The following CEP72 variants were observed in gnomAD, a reference collection of about 807,000 sequenced individuals.
The protein encoded by CEP72 is centrosomal protein 72.
CEP72 carries 78 observed loss-of-function variants against 65.7 expected under a neutral mutation model. The ratio of observed to expected loss-of-function variants is 1.19; its 90% CI spans 0.99 to 1.43. The LOEUF (loss-of-function observed/expected upper bound fraction) is 1.43, where lower values mean the gene tolerates loss of function less well. CEP72 is among the 40% of genes most tolerant of loss of function. The pLI is 0.00. For synonymous variants in CEP72, 358 were observed against 351.7 expected (o/e 1.02, Z -0.20); for missense variants, 914 against 832.9 (o/e 1.10, Z -1.20).
At chr5:628,821 G>A (rs71585252) in intron 4 of CEP72, among the ~76,000 whole-genome samples, 2,447 of 106,154 alleles carry the variant, frequency 0.023, 59 homozygotes, top group East Asian at 0.062. Context: ...TCAGGTTGCC[G>A]TCCCCAGGGA....
chr5:620,021 A>G, intron 2 of CEP72, 48 bp from the exon 3 acceptor site: 1 of 1,506,890 alleles, frequency 6.6e-7, no homozygotes, highest in Non-Finnish European at 9.2e-7. Flanking sequence ...TTCACTGTGT[A>G]TTTCTTGTTT....
intron 1 of CEP72, among the ~76,000 whole-genome samples, chr5:617,031 A>G (rs1444674020): frequency 1.3e-5 from 2 of 152,040 alleles, no homozygotes; most frequent in Non-Finnish European, 2.9e-5. Context: ...TGATGTACAG[A>G]GAGTCTGTCC....
intron 1 of CEP72, 127 bp from the exon 2 acceptor site, chr5:618,863 G>A (rs1235506615): frequency 5.3e-6 from 4 of 755,526 alleles, no homozygotes; most frequent in South Asian, 1.9e-5. Context: ...TCAGGAGCCT[G>A]AGTAAAGTTG....
In CEP72 at chr5:615,337, T is replaced by C. The variant is rs979070102; in HGVS notation, c.82+2894T>C. Reference sequence around the variant, plus strand: ...TTTTAGTAGAGACGGGGTTTCACCATGTTGGCCAGGCTAGTCTCGAACTCC... The same window carrying C: ...TTTTAGTAGAGACGGGGTTTCACCACGTTGGCCAGGCTAGTCTCGAACTCC... On this transcript the variant is annotated intron_variant, in intron 1 of 11. Coordinates refer to ENST00000264935, the MANE Select transcript of CEP72 (RefSeq NM_018140.4). 3.3e-5 allele frequency among the ~76,000 whole-genome samples: 5 copies of C among 152,114 alleles called. No individual in the cohort carries two copies. The South Asian group carries it at 6.2e-4, about 19-fold the overall frequency.
At chr5:648,873 ACTGTGAGG>A (rs1738663622) in intron 11 of CEP72, among the ~76,000 whole-genome samples, 1 of 93,192 alleles carries the variant, frequency 1.1e-5, no homozygotes, top group East Asian at 3.6e-4. Context: ...GTGAGGTGTG[ACTGTGAGG>A]TGTGACTGTG....
chr5:618,462 G>C (rs1028417333), intron 1 of CEP72, among the ~76,000 whole-genome samples: 3 of 152,208 alleles, frequency 2.0e-5, no homozygotes, highest in Non-Finnish European at 4.4e-5. Context: ...TATACTGTTA[G>C]AGGAAGAAAT....
chr5:634,637 T>C (rs568753689), intron 5 of CEP72, among the ~76,000 whole-genome samples: 6 of 152,274 alleles, frequency 3.9e-5, no homozygotes, highest in South Asian at 4.1e-4. Flanking sequence ...TTAATTTGCA[T>C]CCGCTGCTGT....
chr5:665,071 A>T, intron 2 of CEP72: 1 of 1,596,428 alleles, frequency 6.3e-7, no homozygotes, highest in Admixed American at 1.7e-5. Context: ...CTCTGGGGAC[A>T]CCGGCAGTGC....
chr5:671,543 C>T (rs1279305295), downstream of CEP72, among the ~76,000 whole-genome samples: 3 of 152,228 alleles, frequency 2.0e-5, no homozygotes, highest in African/African-American at 4.8e-5. Flanking sequence ...GCCAAGGCCA[C>T]GCCCACCACT....
At chr5:666,972 T>G (rs1739941984) in exon 5 of CEP72, 1 of 152,242 alleles carries the variant, frequency 6.6e-6, no homozygotes, top group South Asian at 2.1e-4. Context: ...GGGAAGCCTC[T>G]GGACAGCGCG....
intron 4 of CEP72, chr5:666,146 G>GGGCACAGGCGACTTAT (rs2126867122): frequency 6.2e-7 from 1 of 1,605,098 alleles, no homozygotes; most frequent in African/African-American, 1.4e-5. Flanking sequence ...AGGCGACTTA[G>GGGCACAGGCGACTTAT]GGCTGGGCGC....
At chr5:646,877 C>T (rs530535628) in intron 10 of CEP72, among the ~76,000 whole-genome samples, 155 of 152,324 alleles carry the variant, frequency 1.0e-3, no homozygotes, top group Middle Eastern at 3.4e-3. Flanking sequence ...GGGTTTGTCC[C>T]AGCCTCTTGT....
At chr5:651,386 GTGTGGACTGAGAGT>G (rs1452890099) in intron 11 of CEP72, among the ~76,000 whole-genome samples, 1 of 151,888 alleles carries the variant, frequency 6.6e-6, no homozygotes, top group East Asian at 1.9e-4. Flanking sequence ...TGAATGTGAG[GTGTGGACTGAGAGT>G]TGTGGACTGT....
chr5:648,802 C>T (rs868495645), intron 11 of CEP72, among the ~76,000 whole-genome samples: 67 of 79,588 alleles, frequency 8.4e-4, no homozygotes, highest in East Asian at 1.8e-3. Flanking sequence ...GACTGTGAGG[C>T]GTGGACTGTG....
At position 623,133 on chromosome 5, in the gene CEP72, C is replaced by A. The variant is rs1410990311; in HGVS notation, c.404-1338C>A. 6.6e-6 allele frequency among the ~76,000 whole-genome samples: 1 copy of A among 150,636 alleles called. No individual in the cohort carries two copies. The highest frequency in any genetic ancestry group is 2.1e-4 in the South Asian group (1 of 4,734). ...TTAGTGTTTCTGCAGAGAGTTTCTGCAGAGAAGGAGCGCAGCCGTCTCCCT... is the reference window on the plus strand; with the variant it reads ...TTAGTGTTTCTGCAGAGAGTTTCTGAAGAGAAGGAGCGCAGCCGTCTCCCT... On this transcript the variant is annotated intron_variant, in intron 3 of 11. Coordinates refer to ENST00000264935, the MANE Select transcript of CEP72 (RefSeq NM_018140.4). This position sits in a 1 kb window ranked among gnomAD's most constrained non-coding sequence, Gnocchi z 5.3.
At chr5:614,861 CTGT>C (rs1735893006) in intron 1 of CEP72, among the ~76,000 whole-genome samples, 1 of 152,210 alleles carries the variant, frequency 6.6e-6, no homozygotes, top group South Asian at 2.1e-4. Flanking sequence ...TGTGTGTATT[CTGT>C]TGTTGAGTGG....
At chr5:638,395 CAT>C (rs926239062) in intron 7 of CEP72, among the ~76,000 whole-genome samples, 2 of 152,126 alleles carry the variant, frequency 1.3e-5, no homozygotes, top group African/African-American at 4.8e-5. Context: ...CTGCTGTAGA[CAT>C]GAGTGCAGAC....
At chr5:628,934 CGTTCTGG>C (rs1737012840) in intron 4 of CEP72, among the ~76,000 whole-genome samples, 1 of 87,824 alleles carries the variant, frequency 1.1e-5, no homozygotes, top group African/African-American at 5.5e-5. Context: ...CTTTGTGCAG[CGTTCTGG>C]AGAACTCAGG....
downstream of CEP72, among the ~76,000 whole-genome samples, chr5:669,777 G>A (rs572511592): frequency 1.3e-4 from 20 of 152,186 alleles, no homozygotes; most frequent in Middle Eastern, 3.4e-3. Context: ...CCACACGGGC[G>A]GGGAGCTCTC....
Sources: gnomAD v4.1 joint callset for allele counts (sites outside exome capture counted in the v4.1 genomes callset) on GRCh38, gnomAD v4.1.1 for gene constraint, Gnocchi (gnomAD v3.1) non-coding constraint, MANE v1.5 for transcripts, NCBI Gene and HGNC (gene_info 2026-07-23, HGNC 2026-07-21) for gene names.